SSUH2: variants seen among roughly 807,000 people sequenced by gnomAD.
SSUH2 encodes ssu-2 homolog.
SSUH2 carries 47 observed loss-of-function variants against 55.3 expected under a neutral mutation model. The ratio of observed to expected loss-of-function variants is 0.85; its 90% CI spans 0.67 to 1.08. SSUH2 has a LOEUF of 1.08. Ranked by LOEUF, SSUH2 falls within the 50% of genes least tolerant of loss-of-function variation. SSUH2 has a pLI of 0.00. For missense variants in SSUH2, 535 were observed against 490.7 expected (o/e 1.09, Z -0.85); for synonymous variants, 212 against 191.5 (o/e 1.11, Z -0.89).
In SSUH2 at chr3:8,619,865, A is replaced by G; in HGVS notation, c.*3T>C. On this transcript the variant is annotated 3_prime_UTR_variant, in exon 12 of 12. Transcript: ENST00000544814. ...GGCAGGCTCTGGGGACAGCCATGCT[A>G]TGTCACACGATGGTACAGCCACAGC... is the stretch of plus-strand genomic sequence containing the variant. The G allele has an allele frequency of 2.5e-6, 4 of 1,613,108 alleles. No homozygotes were observed. Among genetic ancestry groups the G allele is most frequent in the Non-Finnish European group, 2.5e-6 (3 of 1,179,666 alleles).
rs137858276 is a variant in SSUH2 at position 8,666,225 on chromosome 3, T to C, written c.-454-2423A>G. On this transcript the variant is annotated intron_variant, in intron 5 of 18. Transcript: ENST00000317371. The stretch of plus-strand genomic sequence containing the variant: ...TCTCCTTAAGAGCAAGACCACCAAA[T>C]CTAAACACTAAAAAGAAACGTTTAG... Among the ~76,000 whole-genome samples, 550 of 152,290 alleles carry C rather than the reference T, an allele frequency of 3.6e-3. 3 individuals are homozygous for C. Among genetic ancestry groups the C allele is most frequent in the South Asian group, 0.022 (107 of 4,824 alleles).
chr3:8,632,228 C>T (rs1698939172), intron 4 of SSUH2, 119 bp from the exon 5 acceptor site: 4 of 774,172 alleles, frequency 5.2e-6, no homozygotes, highest in African/African-American at 1.7e-5. Context: ...GGTCCATGCA[C>T]AACACCCTCG....
At chr3:8,642,447 TAAGA>T (rs1048770375) in intron 1 of SSUH2, among the ~76,000 whole-genome samples, 2 of 152,182 alleles carry the variant, frequency 1.3e-5, no homozygotes, top group Non-Finnish European at 2.9e-5. Context: ...CGATTCAATG[TAAGA>T]AAGAATTTTG....
At chr3:8,630,990 A>G in intron 5 of SSUH2, 61 bp from the exon 6 acceptor site, 3 of 1,326,474 alleles carry the variant, frequency 2.3e-6, no homozygotes, top group Non-Finnish European at 2.9e-6. Flanking sequence ...ACTTTCATTT[A>G]TCCAGCAAAC....
chr3:8,639,422 T>C (rs1575181913), intron 1 of SSUH2, among the ~76,000 whole-genome samples: 1 of 152,222 alleles, frequency 6.6e-6, no homozygotes, highest in East Asian at 1.9e-4. Flanking sequence ...CACACACGCA[T>C]GGCAGAGATA....
At chr3:8,634,735 C>T in intron 3 of SSUH2, 1 of 435,462 alleles carries the variant, frequency 2.3e-6, no homozygotes, top group South Asian at 1.8e-5. Context: ...GCCTCTCATG[C>T]TGCCCAGGTG....
chr3:8,635,633 G>C, intron 2 of SSUH2, 126 bp downstream of exon 2: 1 of 938,268 alleles, frequency 1.1e-6, no homozygotes, highest in Non-Finnish European at 1.5e-6. Context: ...CCCAAGATGA[G>C]GGGCTTCCCA....
intron 3 of SSUH2, among the ~76,000 whole-genome samples, chr3:8,675,076 C>T (rs894970815): frequency 6.6e-5 from 10 of 152,274 alleles, no homozygotes; most frequent in East Asian, 3.9e-4. Context: ...CAAGGACTAC[C>T]GGCCAGTACA....
At chr3:8,625,686 T>C in intron 9 of SSUH2, 39 bp from the exon 10 acceptor site, 2 of 1,447,172 alleles carry the variant, frequency 1.4e-6, no homozygotes, top group Non-Finnish European at 1.9e-6. Context: ...GCACACAGTG[T>C]GGCAGGTTAA....
At chr3:8,680,807 G>C (rs56383001) in intron 1 of SSUH2, among the ~76,000 whole-genome samples, 35,370 of 152,036 alleles carry the variant, frequency 0.23, 5,118 homozygotes, top group East Asian at 0.41. Context: ...ATATTGGAAA[G>C]AATATTGCAG....
At chr3:8,631,685 G>C (rs1698810964) in intron 5 of SSUH2, among the ~76,000 whole-genome samples, 1 of 152,020 alleles carries the variant, frequency 6.6e-6, no homozygotes, top group Non-Finnish European at 1.5e-5. Context: ...GGCGAATGGG[G>C]AGCACAGGGG....
chr3:8,647,338 G>C (rs1394234020), upstream of SSUH2, among the ~76,000 whole-genome samples: 1 of 152,244 alleles, frequency 6.6e-6, no homozygotes, highest in African/African-American at 2.4e-5. Context: ...AAACTTTCTA[G>C]TGAGAAGAGT....
chr3:8,630,805 C>G lies in SSUH2; in HGVS notation c.525G>C (p.Lys175Asn). Residue 175 changes from lysine (K) to asparagine (N), a missense_variant and splice_region_variant, in exon 6 of 12, where the codon AAG becomes AAC. Transcript: ENST00000544814. The part of the protein sequence containing the change: ...KFQVPHSSLV[K>N]ECHKCHGRGR... ...CCAGTAATCGCGTTAATCGTATTACCTTGACCAGTGACGAGTGAGGGACCT... is the reference window on the plus strand; with the variant it reads ...CCAGTAATCGCGTTAATCGTATTACGTTGACCAGTGACGAGTGAGGGACCT... 1.4e-6 allele frequency: 2 copies of G among 1,452,112 alleles called. No homozygotes were observed. Among genetic ancestry groups the G allele is most frequent in the Non-Finnish European group, 1.8e-6 (2 of 1,100,214 alleles). The allele number at this position is 1,452,112 out of a possible 1,614,324, so 90.0% of individuals were successfully genotyped here. A position where few individuals can be genotyped will look rare whatever the true frequency, so the allele number is the denominator to read the frequency against.
chr3:8,632,050 A>G lies in SSUH2; in HGVS notation c.399T>C (p.Thr133=). ...RISEWTFQPF[T]NHSVDGPQRG... is the part of the protein sequence containing the mutation. Reference sequence around the variant, plus strand: ...ACTAATTTCAGACAATTCACTTACTAGTAAAGGGTTGAAATGTCCACTCGC... The same window carrying G: ...ACTAATTTCAGACAATTCACTTACTGGTAAAGGGTTGAAATGTCCACTCGC... Residue 133 remains threonine, a splice_region_variant and synonymous_variant, in exon 5 of 12, where the codon ACT becomes ACC. Coordinates refer to ENST00000544814, the MANE Select transcript of SSUH2 (RefSeq NM_001256748.3). 6.2e-7 allele frequency: 1 copy of G among 1,613,038 alleles called. No individual in the cohort carries two copies. The highest frequency in any genetic ancestry group is 2.2e-5 in the East Asian group (1 of 44,852).
At chr3:8,660,199 T>A (rs1248567654) in intron 6 of SSUH2, among the ~76,000 whole-genome samples, 1 of 152,054 alleles carries the variant, frequency 6.6e-6, no homozygotes, top group Non-Finnish European at 1.5e-5. Flanking sequence ...CATTACCACT[T>A]GAAAAGGTGA....
intron 1 of SSUH2, among the ~76,000 whole-genome samples, chr3:8,638,793 CA>C (rs1456103466): frequency 1.3e-5 from 2 of 152,206 alleles, no homozygotes; most frequent in African/African-American, 4.8e-5. Flanking sequence ...GTGAAAATAT[CA>C]AGCATAGAAA....
rs6147701 is a variant in SSUH2 at position 8,629,664 on chromosome 3, C to CA, written c.587_588insT (p.Val197GlyfsTer66). On this transcript the variant is annotated frameshift_variant and splice_region_variant, in exon 7 of 12. Coordinates refer to ENST00000544814, the MANE Select transcript of SSUH2 (RefSeq NM_001256748.3). LOFTEE classifies it high-confidence loss of function. ...CACCAGTGGTTCACAGATGACTCAC[C>CA]GTGCCCGCCCCGTGGCAGCCGCTGC... is the stretch of plus-strand genomic sequence containing the variant. 12 of 1,613,508 alleles carry CA rather than the reference C, an allele frequency of 7.4e-6. No homozygotes were observed. The highest frequency in any genetic ancestry group is 9.3e-6 in the Non-Finnish European group (11 of 1,179,650).
chr3:8,645,336 C>T (rs116372296), upstream of SSUH2, among the ~76,000 whole-genome samples: 7 of 152,284 alleles, frequency 4.6e-5, no homozygotes, highest in East Asian at 1.9e-4. Flanking sequence ...CAAAGCCACA[C>T]GGCACCTCAT....
chr3:8,635,943 G>T (rs777228964), intron 1 of SSUH2, 86 bp from the exon 2 acceptor site: 1 of 1,198,810 alleles, frequency 8.3e-7, no homozygotes, highest in Non-Finnish European at 1.2e-6. Context: ...ATTAGGGCGG[G>T]TGCATTATAA....
Sources: allele counts gnomAD v4.1 joint callset (sites outside exome capture counted in the v4.1 genomes callset), GRCh38; gene constraint gnomAD v4.1.1; transcripts MANE v1.5; gene names NCBI Gene and HGNC (gene_info 2026-07-23, HGNC 2026-07-21).